Variants in OSBPL9 observed in about 807,000 individuals in gnomAD.
The protein encoded by OSBPL9 is oxysterol-binding protein-related protein 9.
A neutral mutation model predicts 106.6 loss-of-function variants in OSBPL9; 40 were observed. The ratio of observed to expected loss-of-function variants is 0.38; its 90% CI spans 0.29 to 0.49. OSBPL9 has a LOEUF of 0.49. Among genes scored for constraint, OSBPL9 ranks in the 20% least tolerant of loss-of-function variants. The probability of loss-of-function intolerance (pLI) is 0.97; values close to 1 mark genes in which losing one functional copy is unlikely to be tolerated. For missense variants in OSBPL9, 609 were observed against 887.2 expected (o/e 0.69, Z 3.98); for synonymous variants, 269 against 295.4 (o/e 0.91, Z 0.92).
At chr1:51,754,742 A>G (rs778873502) in intron 8 of OSBPL9, among the ~76,000 whole-genome samples, 10 of 152,238 alleles carry the variant, frequency 6.6e-5, no homozygotes, top group Non-Finnish European at 1.5e-4. Flanking sequence ...TTCAACATGT[A>G]ATCAGTATAA....
chr1:51,611,595 G>A (rs1557584109), intron 2 of OSBPL9, among the ~76,000 whole-genome samples: 1 of 152,134 alleles, frequency 6.6e-6, no homozygotes, highest in African/African-American at 2.4e-5. Context: ...GAAACTAAGG[G>A]AAAAAATTAA....
At chr1:51,636,151 T>TG (rs1645427813) in intron 1 of OSBPL9, among the ~76,000 whole-genome samples, 1 of 142,300 alleles carries the variant, frequency 7.0e-6, no homozygotes, top group African/African-American at 2.7e-5. Flanking sequence ...CTCTCTCTCT[T>TG]GTTTTTTTTT....
chr1:51,674,361 T>C (rs1650669472), intron 3 of OSBPL9, among the ~76,000 whole-genome samples: 1 of 152,196 alleles, frequency 6.6e-6, no homozygotes, highest in Non-Finnish European at 1.5e-5. Context: ...CTTGAATTCC[T>C]GGGCCCAAGC....
upstream of OSBPL9, among the ~76,000 whole-genome samples, chr1:51,616,380 C>T (rs551033710): frequency 4.6e-5 from 7 of 152,278 alleles, no homozygotes; most frequent in African/African-American, 1.4e-4. Context: ...CACTGCTCCA[C>T]GCACACTGAC....
At chr1:51,738,805 T>C (rs1571437710) in intron 4 of OSBPL9, among the ~76,000 whole-genome samples, 1 of 152,032 alleles carries the variant, frequency 6.6e-6, no homozygotes, top group East Asian at 1.9e-4. Context: ...AGTTCTTGAT[T>C]CGTTTTGTTT....
At chr1:51,715,514 G>A (rs903472076) in intron 4 of OSBPL9, among the ~76,000 whole-genome samples, 10 of 151,794 alleles carry the variant, frequency 6.6e-5, no homozygotes, top group South Asian at 6.2e-4. Flanking sequence ...GGTTTGTCTC[G>A]GCTCACTGCA....
intron 3 of OSBPL9, among the ~76,000 whole-genome samples, chr1:51,674,233 A>G (rs548619348): frequency 8.6e-5 from 13 of 150,952 alleles, no homozygotes; most frequent in Admixed American, 4.6e-4. Context: ...ATGGCTGACT[A>G]ATTTTTTTTT....
intron 1 of OSBPL9, 44 bp from the exon 2 acceptor site, chr1:51,651,947 G>A: frequency 1.4e-6 from 2 of 1,471,788 alleles, no homozygotes; most frequent in African/African-American, 2.8e-5. Context: ...CAATTTACCA[G>A]TCTGTTAATG....
the OSBPL9 span, among the ~76,000 whole-genome samples, chr1:51,537,633 T>C: frequency 6.6e-6 from 1 of 152,164 alleles, no homozygotes; most frequent in Non-Finnish European, 1.5e-5. Flanking sequence ...CATAGCTCAC[T>C]GCAGATATGA....
chr1:51,597,351 A>C lies in OSBPL9; in HGVS notation c.-422-773A>C, dbSNP rs368482710. On this transcript the variant is annotated intron_variant, in intron 1 of 25. Coordinates refer to the OSBPL9 transcript ENST00000371714. ...CGGTGTATAATCAATCGGGATGTCA[A>C]GTACACAGTTAAAATATATTAACCT... 3.6e-4 allele frequency among the ~76,000 whole-genome samples: 54 copies of C among 151,892 alleles called. 2 individuals carry two copies. The South Asian group carries it at 8.4e-3, about 23-fold the overall frequency.
chr1:51,575,863 A>T (rs142991617), upstream of OSBPL9, among the ~76,000 whole-genome samples: 4 of 152,334 alleles, frequency 2.6e-5, no homozygotes, highest in African/African-American at 9.6e-5. Flanking sequence ...CATTTTTATT[A>T]TCAAAGACAG....
the OSBPL9 span, among the ~76,000 whole-genome samples, chr1:51,537,368 A>G: frequency 3.9e-5 from 6 of 152,058 alleles, 1 homozygote; most frequent in South Asian, 8.3e-4. Context: ...CTTATCTTGT[A>G]CTTTCACTGC....
chr1:51,672,577 A>G (rs775518602), intron 3 of OSBPL9, among the ~76,000 whole-genome samples: 29 of 152,200 alleles, frequency 1.9e-4, no homozygotes, highest in Non-Finnish European at 3.7e-4. Flanking sequence ...TTTCACATAA[A>G]TGGAATCATA....
chr1:51,649,085 T>G (rs1223903528), intron 1 of OSBPL9, among the ~76,000 whole-genome samples: 1 of 152,182 alleles, frequency 6.6e-6, no homozygotes, highest in Non-Finnish European at 1.5e-5. Flanking sequence ...CCTGTAATCT[T>G]CTTTTCAGCC....
At chr1:51,637,604 AATG>A (rs1464889200) in intron 1 of OSBPL9, among the ~76,000 whole-genome samples, 9 of 152,260 alleles carry the variant, frequency 5.9e-5, no homozygotes, top group South Asian at 4.1e-4. Context: ...GTGCTCAGTA[AATG>A]ATAACAAAAA....
At chr1:51,544,280 G>A in the OSBPL9 span, among the ~76,000 whole-genome samples, 3 of 152,108 alleles carry the variant, frequency 2.0e-5, no homozygotes, top group African/African-American at 7.2e-5. Context: ...AGGATTACTT[G>A]AACCAGGAGC....
At chr1:51,695,708 CGTT>C (rs1463480050) in intron 3 of OSBPL9, among the ~76,000 whole-genome samples, 2 of 152,010 alleles carry the variant, frequency 1.3e-5, no homozygotes, top group Admixed American at 6.6e-5. Flanking sequence ...GGTGCTATGT[CGTT>C]GTGAAATACT....
chr1:51,656,723 G>A (rs560148459), intron 2 of OSBPL9, among the ~76,000 whole-genome samples: 2 of 149,664 alleles, frequency 1.3e-5, no homozygotes, highest in Non-Finnish European at 3.0e-5. Context: ...GCAATGGTGC[G>A]ATTATAGCTC....
the OSBPL9 span, among the ~76,000 whole-genome samples, chr1:51,559,340 C>T: frequency 9.2e-5 from 14 of 151,784 alleles, no homozygotes; most frequent in African/African-American, 3.1e-4. Context: ...GTGTCAGACC[C>T]GATTAGAAGT....
Sources: allele counts gnomAD v4.1 joint callset (sites outside exome capture counted in the v4.1 genomes callset), GRCh38; gene constraint gnomAD v4.1.1; transcripts MANE v1.5; gene names NCBI Gene and HGNC (gene_info 2026-07-23, HGNC 2026-07-21).